Variants in GALNT13 observed in about 807,000 individuals in gnomAD.
GALNT13 encodes UDP-GalNAc:polypeptide N-acetylgalactosaminyltransferase 13.
GALNT13 carries 28 observed loss-of-function variants against 64.2 expected under a neutral mutation model. That is an observed-to-expected ratio of 0.44 (90% CI 0.32 to 0.60). The LOEUF (loss-of-function observed/expected upper bound fraction) is 0.60. Ranked by LOEUF, GALNT13 falls within the 20% of genes least tolerant of loss-of-function variation. The pLI is 0.05. For missense variants in GALNT13, 577 were observed against 669.8 expected, an observed-to-expected ratio of 0.86 and a Z score of 1.53; for synonymous variants, 214 against 224.6, an observed-to-expected ratio of 0.95 and a Z score of 0.42.
chr2:153,564,794 A>T, the GALNT13 span, among the ~76,000 whole-genome samples: 1 of 152,162 alleles, frequency 6.6e-6, no homozygotes, highest in African/African-American at 2.4e-5. Flanking sequence ...TCTCTTCATT[A>T]GGTTACATTG....
chr2:153,479,003 GCTT>G, the GALNT13 span, among the ~76,000 whole-genome samples: 1 of 152,246 alleles, frequency 6.6e-6, no homozygotes, highest in South Asian at 2.1e-4. Context: ...TTTATTGCTT[GCTT>G]CTTTTGCAAA....
intron 3 of GALNT13, among the ~76,000 whole-genome samples, chr2:153,980,164 G>GGTGGAC: frequency 6.6e-6 from 1 of 152,306 alleles, no homozygotes; most frequent in South Asian, 2.1e-4. Context: ...TACTGCTGGA[G>GGTGGAC]CATAGGTGGA....
At chr2:153,970,339 T>C (rs1693656071) in intron 3 of GALNT13, among the ~76,000 whole-genome samples, 1 of 152,194 alleles carries the variant, frequency 6.6e-6, no homozygotes, top group Non-Finnish European at 1.5e-5. Flanking sequence ...CCTCCTTGTA[T>C]TGCTTTTGTT....
chr2:153,371,076 C>A, the GALNT13 span: 1 of 200,468 alleles, frequency 5.0e-6, no homozygotes, highest in East Asian at 1.2e-4. Context: ...AAACTGAGTC[C>A]AGCTGGTTGA....
the GALNT13 span, among the ~76,000 whole-genome samples, chr2:153,196,501 G>A: frequency 3.9e-5 from 6 of 152,204 alleles, no homozygotes; most frequent in Non-Finnish European, 7.4e-5. Flanking sequence ...CATGAGAGTC[G>A]ACACTCCCAA....
chr2:153,334,358 C>A, the GALNT13 span, among the ~76,000 whole-genome samples: 1 of 152,132 alleles, frequency 6.6e-6, no homozygotes, highest in East Asian at 1.9e-4. Flanking sequence ...GGAATAGAGG[C>A]TGTGCTCCCA....
intron 3 of GALNT13, among the ~76,000 whole-genome samples, chr2:154,116,807 C>A (rs1328050666): frequency 6.6e-6 from 1 of 152,132 alleles, no homozygotes; most frequent in East Asian, 1.9e-4. Flanking sequence ...AGAACACCAT[C>A]CTTAATATTC....
intron 11 of GALNT13, among the ~76,000 whole-genome samples, chr2:154,410,916 G>C (rs141616821): frequency 6.6e-6 from 1 of 151,954 alleles, no homozygotes; most frequent in African/African-American, 2.4e-5. Context: ...TCATCTGCAC[G>C]TTTTCAAATA....
chr2:153,438,156 C>T, the GALNT13 span, among the ~76,000 whole-genome samples: 1 of 152,162 alleles, frequency 6.6e-6, no homozygotes, highest in Non-Finnish European at 1.5e-5. Context: ...TATTGGCCCC[C>T]ACTCTCTTCT....
the GALNT13 span, among the ~76,000 whole-genome samples, chr2:153,831,980 T>C: frequency 6.6e-6 from 1 of 152,198 alleles, no homozygotes; most frequent in Non-Finnish European, 1.5e-5. Context: ...GAGCAGGTCA[T>C]TGCCAGAATA....
intron 3 of GALNT13, among the ~76,000 whole-genome samples, chr2:154,103,264 C>G (rs1702441641): frequency 6.6e-6 from 1 of 152,016 alleles, no homozygotes; most frequent in Non-Finnish European, 1.5e-5. Context: ...TAAATTATTT[C>G]TTCTGCCTTT....
the GALNT13 span, among the ~76,000 whole-genome samples, chr2:153,297,863 A>G: frequency 6.6e-6 from 1 of 152,168 alleles, no homozygotes; most frequent in Non-Finnish European, 1.5e-5. Context: ...CAATGTGCTG[A>G]CTGAAAAGAG....
the GALNT13 span, among the ~76,000 whole-genome samples, chr2:153,790,497 A>G: frequency 6.6e-6 from 1 of 152,222 alleles, no homozygotes; most frequent in Non-Finnish European, 1.5e-5. Context: ...CCAACATCAT[A>G]CTGAATGGAC....
the GALNT13 span, among the ~76,000 whole-genome samples, chr2:153,768,731 T>G: frequency 6.6e-6 from 1 of 152,026 alleles, no homozygotes; most frequent in East Asian, 1.9e-4. Flanking sequence ...TTAGGCATGG[T>G]GGCAGGCACC....
At chr2:153,973,451 G>A (rs1301214351) in intron 3 of GALNT13, among the ~76,000 whole-genome samples, 1 of 151,914 alleles carries the variant, frequency 6.6e-6, no homozygotes, top group South Asian at 2.1e-4. Flanking sequence ...TCAGTTACTA[G>A]CAACTCACTG....
intron 3 of GALNT13, among the ~76,000 whole-genome samples, chr2:154,001,568 A>G (rs1695911778): frequency 6.6e-6 from 1 of 151,960 alleles, no homozygotes; most frequent in South Asian, 2.1e-4. Context: ...TTCAAACACC[A>G]TCCCTCCACA....
At chr2:154,259,896 T>G (rs1216560270) in intron 8 of GALNT13, among the ~76,000 whole-genome samples, 1 of 152,106 alleles carries the variant, frequency 6.6e-6, no homozygotes, top group Admixed American at 6.6e-5. Context: ...TGTTGTTGTT[T>G]TTTGAGACAG....
At chr2:154,039,126 G>A (rs187957332) in intron 3 of GALNT13, among the ~76,000 whole-genome samples, 9 of 152,180 alleles carry the variant, frequency 5.9e-5, no homozygotes, top group African/African-American at 2.2e-4. Context: ...TGCTGAGGAT[G>A]CAGAGAAAAA....
chr2:153,549,194 C>T, the GALNT13 span, among the ~76,000 whole-genome samples: 1 of 152,120 alleles, frequency 6.6e-6, no homozygotes. Flanking sequence ...ATGATGTTTG[C>T]ACAATCACGT....
Sources: allele counts gnomAD v4.1 joint callset (sites outside exome capture counted in the v4.1 genomes callset), GRCh38; gene constraint gnomAD v4.1.1; transcripts MANE v1.5; gene names NCBI Gene and HGNC (gene_info 2026-07-23, HGNC 2026-07-21).